Variants in FBXO36 observed in about 807,000 individuals in gnomAD.
FBXO36 encodes F-box only protein 36.
Under a neutral mutation model 17.0 loss-of-function variants are expected in FBXO36, and 18 were observed. That is an observed-to-expected ratio of 1.06 (90% CI 0.73 to 1.57). The LOEUF (loss-of-function observed/expected upper bound fraction) is 1.57, where lower values mean the gene tolerates loss of function less well. FBXO36 is among the 40% of genes most tolerant of loss of function. The pLI is 0.00. For missense variants in FBXO36, 229 were observed against 221.9 expected, an observed-to-expected ratio of 1.03 and a Z score of -0.20; for synonymous variants, 83 against 85.3, an observed-to-expected ratio of 0.97 and a Z score of 0.15.
intron 1 of FBXO36, among the ~76,000 whole-genome samples, chr2:229,948,323 C>T (rs1276707900): frequency 6.6e-6 from 1 of 152,054 alleles, no homozygotes; most frequent in Admixed American, 6.6e-5. Flanking sequence ...TAACGAATTG[C>T]TTTTAGAGCA....
chr2:229,973,488 C>G (rs1164571980), intron 1 of FBXO36: 1 of 151,920 alleles, frequency 6.6e-6, no homozygotes, highest in Non-Finnish European at 1.5e-5. Context: ...TTTGGGAGGC[C>G]GAAGCAGGCG....
At chr2:229,944,466 G>A (rs2077015619) in intron 1 of FBXO36, among the ~76,000 whole-genome samples, 1 of 152,040 alleles carries the variant, frequency 6.6e-6, no homozygotes, top group Admixed American at 6.6e-5. Context: ...AAAATCAAAT[G>A]AATGGCTTAA....
chr2:229,972,149 A>G (rs997664733), intron 1 of FBXO36, among the ~76,000 whole-genome samples: 1 of 151,434 alleles, frequency 6.6e-6, no homozygotes, highest in Non-Finnish European at 1.5e-5. Context: ...TCCTGCCACC[A>G]TGCCCAGCTA....
intron 1 of FBXO36, among the ~76,000 whole-genome samples, chr2:229,950,419 C>A (rs1373565868): frequency 1.3e-5 from 2 of 152,022 alleles, no homozygotes; most frequent in Non-Finnish European, 2.9e-5. Context: ...GAGCAAGACT[C>A]CATCTCAAAA....
chr2:229,922,750 C>T (rs976384369), intron 1 of FBXO36, 141 bp downstream of exon 1: 8 of 801,630 alleles, frequency 1.0e-5, no homozygotes, highest in Admixed American at 2.8e-5. Flanking sequence ...GGAGATTTTC[C>T]TCGTCACCTC....
At position 229,995,497 on chromosome 2, in the gene FBXO36, T is replaced by C. The variant is rs552278874; in HGVS notation, c.206-1254T>C. 5.9e-5 allele frequency among the ~76,000 whole-genome samples: 9 copies of C among 151,980 alleles called. No homozygotes were observed. The East Asian group carries it at 1.7e-3, about 29-fold the overall frequency. On this transcript the variant is annotated intron_variant, in intron 2 of 3. Coordinates refer to ENST00000283946, the MANE Select transcript of FBXO36 (RefSeq NM_174899.5). ...CTGTCTCTACAAAAAAAAATCATAATAATTTTTATGAAATATTCATGTTTT... is the reference window on the plus strand; with the variant it reads ...CTGTCTCTACAAAAAAAAATCATAACAATTTTTATGAAATATTCATGTTTT...
At chr2:229,990,541 T>C (rs1312117923) in intron 2 of FBXO36, among the ~76,000 whole-genome samples, 2 of 152,188 alleles carry the variant, frequency 1.3e-5, no homozygotes, top group Non-Finnish European at 2.9e-5. Flanking sequence ...TTCTGTAAGA[T>C]ATTTACCAAA....
intron 2 of FBXO36, among the ~76,000 whole-genome samples, chr2:229,993,574 C>T (rs1008939696): frequency 7.2e-5 from 11 of 151,950 alleles, no homozygotes; most frequent in Non-Finnish European, 1.0e-4. Context: ...AACAGGCAGG[C>T]GGTGATTTTA....
intron 1 of FBXO36, among the ~76,000 whole-genome samples, chr2:229,958,812 A>G (rs1298963461): frequency 6.6e-6 from 1 of 152,180 alleles, no homozygotes; most frequent in Non-Finnish European, 1.5e-5. Flanking sequence ...AATTCCAGTA[A>G]TAAGTTAATG....
intron 3 of FBXO36, among the ~76,000 whole-genome samples, chr2:230,004,558 G>A (rs762181726): frequency 3.3e-5 from 5 of 152,024 alleles, no homozygotes; most frequent in South Asian, 2.1e-4. Flanking sequence ...ATGTCCTTCC[G>A]GAGATATTCT....
intron 2 of FBXO36, among the ~76,000 whole-genome samples, chr2:229,979,548 C>T (rs1384583639): frequency 6.6e-6 from 1 of 151,422 alleles, no homozygotes; most frequent in Non-Finnish European, 1.5e-5. Context: ...GGGAGGCAGA[C>T]GCAGGTGGAT....
At chr2:229,990,050 G>A (rs184957435) in intron 2 of FBXO36, among the ~76,000 whole-genome samples, 83 of 151,712 alleles carry the variant, frequency 5.5e-4, no homozygotes, top group Non-Finnish European at 9.0e-4. Context: ...TAGTTCTGCC[G>A]CTTTCTCATT....
chr2:230,001,284 C>A (rs576671285), intron 3 of FBXO36, among the ~76,000 whole-genome samples: 12 of 151,950 alleles, frequency 7.9e-5, no homozygotes, highest in African/African-American at 2.9e-4. Context: ...TTTTCTTTTT[C>A]TTTTTTCTTT....
At chr2:229,937,111 T>A (rs867727140) in intron 1 of FBXO36, among the ~76,000 whole-genome samples, 2 of 152,242 alleles carry the variant, frequency 1.3e-5, no homozygotes, top group Non-Finnish European at 2.9e-5. Context: ...AAAACAATGC[T>A]AATTAAACTT....
In FBXO36 at chr2:229,938,300, C is replaced by T. The variant is rs1218896745; in HGVS notation, c.96+15691C>T. The stretch of plus-strand genomic sequence containing the variant: ...GCAATGGCGCCATCTCGGCTCACCG[C>T]ACCCTCCGCCTCCTGGGTTCAGGCG... On this transcript the variant is annotated intron_variant, in intron 1 of 3. Coordinates refer to ENST00000283946, the MANE Select transcript of FBXO36 (RefSeq NM_174899.5). Among the ~76,000 whole-genome samples the T allele has an allele frequency of 4.7e-4, 68 of 145,022 alleles. 1 individual carries two copies. The highest frequency in any genetic ancestry group is 4.5e-5 in the Non-Finnish European group (3 of 66,942).
At chr2:229,995,257 A>C (rs1577360314) in intron 2 of FBXO36, among the ~76,000 whole-genome samples, 1 of 152,216 alleles carries the variant, frequency 6.6e-6, no homozygotes, top group Non-Finnish European at 1.5e-5. Flanking sequence ...TTACATTTAA[A>C]CATCTATCCT....
intron 3 of FBXO36, among the ~76,000 whole-genome samples, chr2:230,007,093 A>G (rs1332364331): frequency 6.6e-6 from 1 of 152,288 alleles, no homozygotes; most frequent in African/African-American, 2.4e-5. Context: ...GGGTGGGGCC[A>G]GTCTCGGACT....
intron 1 of FBXO36, among the ~76,000 whole-genome samples, chr2:229,974,874 C>T (rs986464351): frequency 1.3e-5 from 2 of 152,128 alleles, no homozygotes; most frequent in Non-Finnish European, 2.9e-5. Context: ...TATGTCCCTG[C>T]CAAATTCTAA....
chr2:229,970,362 G>GA (rs1005634259), intron 1 of FBXO36, among the ~76,000 whole-genome samples: 2 of 151,924 alleles, frequency 1.3e-5, no homozygotes, highest in African/African-American at 4.8e-5. Context: ...TCTATTTAAA[G>GA]AAAAAAATGT....
Sources: gnomAD v4.1 joint callset for allele counts (sites outside exome capture counted in the v4.1 genomes callset) on GRCh38, gnomAD v4.1.1 for gene constraint, MANE v1.5 for transcripts, NCBI Gene and HGNC (gene_info 2026-07-23, HGNC 2026-07-21) for gene names.